LRRC20: variants seen among roughly 807,000 people sequenced by gnomAD.
LRRC20 encodes leucine-rich repeat-containing protein 20.
Under a neutral mutation model 14.4 loss-of-function variants are expected in LRRC20, and 11 were observed. The ratio of observed to expected loss-of-function variants is 0.77; its 90% CI spans 0.48 to 1.27. LRRC20 has a LOEUF of 1.27. Among genes scored for constraint, LRRC20 ranks in the 50% most tolerant of loss-of-function variants. The probability of loss-of-function intolerance (pLI) is 0.00; values close to 1 mark genes in which losing one functional copy is unlikely to be tolerated. For missense variants in LRRC20, 219 were observed against 251.2 expected, an observed-to-expected ratio of 0.87 and a Z score of 0.87; for synonymous variants, 121 against 107.3, an observed-to-expected ratio of 1.13 and a Z score of -0.79.
At chr10:70,320,687 G>A (rs1357594518) in intron 4 of LRRC20, among the ~76,000 whole-genome samples, 1 of 152,134 alleles carries the variant, frequency 6.6e-6, no homozygotes, top group Non-Finnish European at 1.5e-5. Flanking sequence ...TAGACTGGAG[G>A]GCCGTGTGCT....
At chr10:70,331,511 C>T (rs1842535277) in intron 3 of LRRC20, among the ~76,000 whole-genome samples, 1 of 152,200 alleles carries the variant, frequency 6.6e-6, no homozygotes, top group Non-Finnish European at 1.5e-5. Context: ...GGCTTCCAGC[C>T]CAACACAGCC....
At chr10:70,371,304 A>G (rs1255469030) in intron 2 of LRRC20, among the ~76,000 whole-genome samples, 2 of 151,912 alleles carry the variant, frequency 1.3e-5, no homozygotes, top group Non-Finnish European at 2.9e-5. Flanking sequence ...CACCTGGCTA[A>G]TTTTTTAAAT....
chr10:70,312,983 C>G (rs1404868214), intron 4 of LRRC20, among the ~76,000 whole-genome samples: 1 of 152,232 alleles, frequency 6.6e-6, no homozygotes, highest in African/African-American at 2.4e-5. Context: ...CATTCCTCCT[C>G]TGTGCCCCAG....
intron 4 of LRRC20, among the ~76,000 whole-genome samples, chr10:70,302,858 G>A (rs180758602): frequency 0.024 from 3,607 of 151,804 alleles, 107 homozygotes; most frequent in African/African-American, 0.063. Context: ...CTACAGGCGC[G>A]CGCCACCATG....
At chr10:70,354,562 T>C (rs1358610334) in intron 2 of LRRC20, among the ~76,000 whole-genome samples, 2 of 152,252 alleles carry the variant, frequency 1.3e-5, no homozygotes, top group Admixed American at 6.5e-5. Flanking sequence ...GGCATCTGTG[T>C]TTTAGCTGAA....
intron 3 of LRRC20, among the ~76,000 whole-genome samples, chr10:70,337,167 A>C (rs2137004347): frequency 6.6e-6 from 1 of 152,282 alleles, no homozygotes; most frequent in East Asian, 1.9e-4. Flanking sequence ...CCCAGCACTA[A>C]GGCAGCCCAC....
intron 4 of LRRC20, among the ~76,000 whole-genome samples, chr10:70,316,808 T>G (rs1434567482): frequency 6.6e-6 from 1 of 152,228 alleles, no homozygotes; most frequent in East Asian, 1.9e-4. Context: ...AAGTGCTTGC[T>G]AACACAATCG....
rs1200468579 is a variant in LRRC20 at position 70,379,782 on chromosome 10, G to T, written c.-64+2767C>A. On this transcript the variant is annotated intron_variant, in intron 1 of 4. Transcript: ENST00000446961. The stretch of plus-strand genomic sequence containing the variant: ...CTACTAGCTACCACCAGATGGGGAG[G>T]TGGTGCCTTAGACCAGCGGTCCCCA... 2.6e-5 allele frequency among the ~76,000 whole-genome samples: 4 copies of T among 152,302 alleles called. No individual in the cohort carries two copies. In the East Asian group the frequency reaches 7.7e-4, roughly 29 times the overall value.
chr10:70,360,028 G>A lies in LRRC20; in HGVS notation c.82+16424C>T, dbSNP rs1843666586. On this transcript the variant is annotated intron_variant, in intron 2 of 4. Coordinates refer to ENST00000446961, the MANE Select transcript of LRRC20 (RefSeq NM_001278212.2). The stretch of plus-strand genomic sequence containing the variant: ...GCCTCCCAGGTTCAAACAATTCCCT[G>A]CCTCAGCCTCCCGAGTAGCTGGGAT... Among the ~76,000 whole-genome samples, 5 of 149,666 alleles carry A rather than the reference G, an allele frequency of 3.3e-5. No homozygotes were observed. In the Admixed American group the frequency reaches 3.4e-4, roughly 10 times the overall value.
chr10:70,363,399 A>G (rs1250405475), intron 2 of LRRC20, among the ~76,000 whole-genome samples: 1 of 152,136 alleles, frequency 6.6e-6, no homozygotes, highest in African/African-American at 2.4e-5. Flanking sequence ...ACATGGTGAG[A>G]AACATCTGTT....
intron 3 of LRRC20, among the ~76,000 whole-genome samples, chr10:70,330,709 G>C (rs1345612924): frequency 6.6e-6 from 1 of 152,348 alleles, no homozygotes; most frequent in East Asian, 1.9e-4. Context: ...ACCGGCAAGA[G>C]AGCAAGTTCT....
chr10:70,356,908 T>G (rs1843549541), intron 2 of LRRC20, among the ~76,000 whole-genome samples: 1 of 152,108 alleles, frequency 6.6e-6, no homozygotes, highest in East Asian at 1.9e-4. Context: ...TATATAAATG[T>G]TCACAGCAGC....
chr10:70,325,544 C>T (rs1842285623), intron 3 of LRRC20, among the ~76,000 whole-genome samples: 1 of 152,226 alleles, frequency 6.6e-6, no homozygotes, highest in Admixed American at 6.5e-5. Flanking sequence ...CTCTTACCCA[C>T]CCCTGAGCTA....
intron 2 of LRRC20, among the ~76,000 whole-genome samples, chr10:70,346,023 G>A (rs1228888797): frequency 6.6e-6 from 1 of 152,102 alleles, no homozygotes; most frequent in East Asian, 1.9e-4. Context: ...CATTTTGAGG[G>A]GCCGAGGCAG....
intron 3 of LRRC20, among the ~76,000 whole-genome samples, chr10:70,327,061 C>T (rs115317148): frequency 0.016 from 2,460 of 152,306 alleles, 87 homozygotes; most frequent in African/African-American, 0.056. Context: ...GCATCTACCC[C>T]TGGAGACATT....
At chr10:70,337,087 T>G (rs1373953530) in intron 3 of LRRC20, among the ~76,000 whole-genome samples, 2 of 152,198 alleles carry the variant, frequency 1.3e-5, no homozygotes, top group Non-Finnish European at 2.9e-5. Flanking sequence ...GCCTTGGGCC[T>G]TGCAGAAGAG....
rs959242041 is a variant in LRRC20 at position 70,300,753 on chromosome 10, C to T, written c.*601G>A. Reference sequence around the variant, plus strand: ...GTTCTTGCCCTGCAGCAGTGCCAGCCCATATTCCCACCACAGCTCTCCCAG... The same window carrying T: ...GTTCTTGCCCTGCAGCAGTGCCAGCTCATATTCCCACCACAGCTCTCCCAG... On this transcript the variant is annotated 3_prime_UTR_variant, in exon 5 of 5. Transcript: ENST00000446961. 1 of 985,616 alleles carries T rather than the reference C, an allele frequency of 1.0e-6. No individual in the cohort carries two copies. Among genetic ancestry groups the T allele is most frequent in the Non-Finnish European group, 1.2e-6 (1 of 830,224 alleles). The allele number at this position is 985,616 out of a possible 1,614,324, so 61.1% of individuals were successfully genotyped here.
chr10:70,301,351 G>A lies in LRRC20; in HGVS notation c.*3C>T. On this transcript the variant is annotated 3_prime_UTR_variant, in exon 5 of 5. Coordinates refer to ENST00000446961, the MANE Select transcript of LRRC20 (RefSeq NM_001278212.2). ...CTTGCTGGGTGGGCATGAGGAGGGT[G>A]GCCTAAGGTAGGGGGGCTCTTGCGC... 6.2e-7 allele frequency: 1 copy of A among 1,611,414 alleles called. No homozygotes were observed. The highest frequency in any genetic ancestry group is 2.2e-5 in the East Asian group (1 of 44,868).
chr10:70,336,951 C>T (rs1037002202), intron 3 of LRRC20, among the ~76,000 whole-genome samples: 3 of 152,212 alleles, frequency 2.0e-5, no homozygotes, highest in Admixed American at 2.0e-4. Flanking sequence ...TCTGCAGGGC[C>T]CACCTGCCAT....
Sources: gnomAD v4.1 joint callset for allele counts (sites outside exome capture counted in the v4.1 genomes callset) on GRCh38, gnomAD v4.1.1 for gene constraint, MANE v1.5 for transcripts, NCBI Gene and HGNC (gene_info 2026-07-23, HGNC 2026-07-21) for gene names.